The following MACF1 variants were observed in gnomAD, a reference collection of about 807,000 sequenced individuals.
The protein encoded by MACF1 is microtubule-actin cross-linking factor 1.
Under a neutral mutation model 854.8 loss-of-function variants are expected in MACF1, and 193 were observed. The ratio of observed to expected loss-of-function variants is 0.23; its 90% CI spans 0.20 to 0.25. MACF1 has a LOEUF of 0.25. Ranked by LOEUF, MACF1 falls within the 10% of genes least tolerant of loss-of-function variation. The probability of loss-of-function intolerance (pLI) is 1.00; values close to 1 mark genes in which losing one functional copy is unlikely to be tolerated. For missense variants in MACF1, 7,722 were observed against 8,929.1 expected (o/e 0.86, Z 5.45); for synonymous variants, 3,185 against 3,226.7 (o/e 0.99, Z 0.44).
At chr1:39,436,615 A>G in intron 70 of MACF1, 5 of 889,362 alleles carry the variant, frequency 5.6e-6, no homozygotes, top group Non-Finnish European at 9.2e-6. Context: ...TTATTATGCC[A>G]GTTTCATTTG....
At chr1:39,379,886 T>C (rs1650026786) in intron 54 of MACF1, among the ~76,000 whole-genome samples, 1 of 152,202 alleles carries the variant, frequency 6.6e-6, no homozygotes, top group South Asian at 2.1e-4. Flanking sequence ...CAGAAAATCC[T>C]GTAGGCAAGT....
At chr1:39,318,995 A>ATT (rs757494196) in intron 30 of MACF1, among the ~76,000 whole-genome samples, 4 of 147,572 alleles carry the variant, frequency 2.7e-5, no homozygotes, top group Non-Finnish European at 4.5e-5. Context: ...TATTTTAAGC[A>ATT]TTTTTTTTTT....
chr1:39,398,406 T>C (rs1642355812), intron 58 of MACF1, among the ~76,000 whole-genome samples: 1 of 152,126 alleles, frequency 6.6e-6, no homozygotes, highest in African/African-American at 2.4e-5. Context: ...CTCAGAGTGC[T>C]GGTATTACAG....
rs1406243117 is a variant in MACF1 at position 39,105,233 on chromosome 1, C to G, written c.220+20795C>G. Among the ~76,000 whole-genome samples, 4 of 150,952 alleles carry G rather than the reference C, an allele frequency of 2.6e-5. No homozygotes were observed. The highest frequency in any genetic ancestry group is 6.6e-5 in the Admixed American group (1 of 15,180). On this transcript the variant is annotated intron_variant, in intron 2 of 93. Transcript: ENST00000361689. This position sits in a 1 kb window ranked among gnomAD's most constrained non-coding sequence, Gnocchi z 5.9. ...TGGGCAGCCCGGGCCCAGCCGGCCG[C>G]AGCCTGGGGCCGAGGACTCGCCGGG...
In MACF1 at chr1:39,469,552, C is replaced by T; in HGVS notation, c.21895C>T (p.His7299Tyr). 1.3e-6 allele frequency: 2 copies of T among 1,549,202 alleles called. No individual in the cohort carries two copies. The highest frequency in any genetic ancestry group is 1.2e-5 in the South Asian group (1 of 84,030). ...LVKNDPCRVH[H>Y]PGSKIKRSDS... is the part of the protein sequence containing the mutation. The stretch of plus-strand genomic sequence containing the variant: ...TTACGTATTTTTTATTCTAGTTCAC[C>T]ATCCTGGGAGTAAAATAAAGCGCTC... The change falls in exon 97 of 101, where the codon CAT (histidine) becomes TAT (tyrosine). Residue 7299 changes from histidine (H) to tyrosine (Y), a missense_variant. This residue lies in a region of MACF1 where 153 missense variants were observed against 342.5 expected (regional missense o/e 0.45). Coordinates refer to ENST00000564288, the MANE Select transcript of MACF1 (RefSeq NM_001394062.1).
At chr1:39,246,005 C>G (rs1451903440) in intron 2 of MACF1, among the ~76,000 whole-genome samples, 2 of 152,230 alleles carry the variant, frequency 1.3e-5, no homozygotes, top group African/African-American at 4.8e-5. Context: ...CTTTCTTAGT[C>G]TTTATCCTCC....
intron 2 of MACF1, among the ~76,000 whole-genome samples, chr1:39,163,484 T>C (rs1275056458): frequency 6.6e-6 from 1 of 152,166 alleles, no homozygotes; most frequent in Non-Finnish European, 1.5e-5. Context: ...GCACTACTAT[T>C]GAAAACATTG....
intron 58 of MACF1, among the ~76,000 whole-genome samples, chr1:39,393,190 A>T (rs1212403931): frequency 5.2e-4 from 45 of 86,640 alleles, no homozygotes; most frequent in African/African-American, 2.7e-3. Context: ...GTAAAAAAAA[A>T]AAAAAAATAT....
chr1:39,330,362 A>G (rs1235690554), intron 36 of MACF1, among the ~76,000 whole-genome samples: 1 of 152,176 alleles, frequency 6.6e-6, no homozygotes, highest in Non-Finnish European at 1.5e-5. Context: ...GGGATGCACA[A>G]TTGTTCTGGA....
intron 22 of MACF1, among the ~76,000 whole-genome samples, chr1:39,302,339 A>C (rs1315629351): frequency 6.6e-6 from 1 of 152,180 alleles, no homozygotes; most frequent in Non-Finnish European, 1.5e-5. Context: ...CACATAGTAG[A>C]CACTCAAGAA....
At chr1:39,316,805 G>A (rs1646418862) in intron 28 of MACF1, among the ~76,000 whole-genome samples, 2 of 152,164 alleles carry the variant, frequency 1.3e-5, no homozygotes, top group Admixed American at 1.3e-4. Flanking sequence ...CAGTGGTTGT[G>A]CCATAAGTTT....
chr1:39,156,269 A>G lies in MACF1; in HGVS notation c.220+71831A>G, dbSNP rs970329020. On this transcript the variant is annotated intron_variant, in intron 2 of 93. Coordinates refer to the MACF1 transcript ENST00000361689. Reference sequence around the variant, plus strand: ...GGTGATCCACCTACCTCAGCCTCCCAAAGTGCTGGGATTACAGGCATGAGC... The same window carrying G: ...GGTGATCCACCTACCTCAGCCTCCCGAAGTGCTGGGATTACAGGCATGAGC... Among the ~76,000 whole-genome samples, 7 of 152,012 alleles carry G rather than the reference A, an allele frequency of 4.6e-5. 1 individual carries two copies. The highest frequency in any genetic ancestry group is 3.4e-3 in the Middle Eastern group (1 of 294).
rs984039452 is a variant in MACF1 at position 39,084,950 on chromosome 1, G to A, written c.220+512G>A. On this transcript the variant is annotated intron_variant, in intron 2 of 93. Transcript: ENST00000361689. This position sits in a 1 kb window ranked among gnomAD's most constrained non-coding sequence, Gnocchi z 5.2. ...GTTATTTCCTTATAATGAAATCCTT[G>A]GAGAGTACAGTTTTACTTGTATCGC... Among the ~76,000 whole-genome samples, 3 of 152,082 alleles carry A rather than the reference G, an allele frequency of 2.0e-5. No individual in the cohort carries two copies. The highest frequency in any genetic ancestry group is 2.0e-4 in the Admixed American group (3 of 15,262).
chr1:39,087,339 G>A (rs749229400), intron 2 of MACF1, among the ~76,000 whole-genome samples: 2 of 152,260 alleles, frequency 1.3e-5, no homozygotes, highest in Non-Finnish European at 2.9e-5. Context: ...CGTGTCCTGA[G>A]CTGGTCTTAG....
intron 72 of MACF1, 101 bp downstream of exon 72, chr1:39,439,601 T>C: frequency 1.1e-6 from 1 of 919,530 alleles, no homozygotes; most frequent in Non-Finnish European, 1.7e-6. Flanking sequence ...CCAGGCTGAG[T>C]ACCTTAAAGG....
chr1:39,151,211 T>C (rs1260584266), intron 2 of MACF1, among the ~76,000 whole-genome samples: 4 of 152,196 alleles, frequency 2.6e-5, no homozygotes, highest in African/African-American at 9.6e-5. Flanking sequence ...CCATACACCC[T>C]ACCAGACCCC....
chr1:39,264,823 G>A (rs528424674), intron 6 of MACF1, among the ~76,000 whole-genome samples: 60 of 151,740 alleles, frequency 4.0e-4, no homozygotes, highest in Non-Finnish European at 6.2e-4. Context: ...ACAGGCGCCC[G>A]CCACCGCGCC....
intron 2 of MACF1, among the ~76,000 whole-genome samples, chr1:39,243,804 T>C (rs1398804299): frequency 2.6e-5 from 4 of 152,180 alleles, no homozygotes; most frequent in Non-Finnish European, 4.4e-5. Flanking sequence ...GATTTTAGGA[T>C]GGATAGATCT....
chr1:39,273,781 AG>A (rs1219255007), intron 6 of MACF1, among the ~76,000 whole-genome samples: 1 of 152,034 alleles, frequency 6.6e-6, no homozygotes, highest in Non-Finnish European at 1.5e-5. Flanking sequence ...TAATAGAGAC[AG>A]GGTTTCACCG....
Sources: gnomAD v4.1 joint callset for allele counts (sites outside exome capture counted in the v4.1 genomes callset) on GRCh38, gnomAD v4.1.1 for gene constraint, gnomAD v4.1.1 regional missense constraint, Gnocchi (gnomAD v3.1) non-coding constraint, MANE v1.5 for transcripts, NCBI Gene and HGNC (gene_info 2026-07-23, HGNC 2026-07-21) for gene names.